Variants in PTPN13 observed in about 807,000 individuals in gnomAD.
The protein encoded by PTPN13 is tyrosine-protein phosphatase non-receptor type 13.
In PTPN13, 191 loss-of-function variants were observed where a neutral mutation model predicts 284.0. The observed-to-expected ratio is 0.67, with a 90% CI of 0.60 to 0.76. PTPN13 has a LOEUF of 0.76. PTPN13 is among the 30% of genes least tolerant of loss of function. The pLI, the probability that PTPN13 is intolerant of heterozygous loss-of-function variation, is 0.00. For missense variants in PTPN13, 2,797 were observed against 2,939.9 expected (o/e 0.95, Z 1.12); for synonymous variants, 986 against 1,022.3 (o/e 0.96, Z 0.68).
At chr4:86,801,762 T>C (rs1035225336) in intron 42 of PTPN13, among the ~76,000 whole-genome samples, 1 of 152,194 alleles carries the variant, frequency 6.6e-6, no homozygotes, top group African/African-American at 2.4e-5. Flanking sequence ...TTTTAAATGC[T>C]TATGTAGAAA....
intron 1 of PTPN13, among the ~76,000 whole-genome samples, chr4:86,603,954 A>G (rs1478453178): frequency 6.6e-6 from 1 of 152,056 alleles, no homozygotes; most frequent in Non-Finnish European, 1.5e-5. Context: ...AATTTATATA[A>G]TTAAAAAATC....
chr4:86,644,578 A>G (rs1039271953), intron 2 of PTPN13, among the ~76,000 whole-genome samples: 1 of 152,222 alleles, frequency 6.6e-6, no homozygotes, highest in Non-Finnish European at 1.5e-5. Context: ...ATTGAAGAGA[A>G]GGATGTACTT....
At position 86,701,487 on chromosome 4, in the gene PTPN13, C is replaced by A. The variant is rs1202836117; in HGVS notation, c.881C>A (p.Ser294Tyr). 6.2e-7 allele frequency: 1 copy of A among 1,613,938 alleles called. No individual in the cohort carries two copies. The highest frequency in any genetic ancestry group is 2.2e-5 in the East Asian group (1 of 44,888). Residue 294 changes from serine (S) to tyrosine (Y), a missense_variant, in exon 7 of 48, where the codon TCT (serine) becomes TAT (tyrosine). By Grantham distance (144) the Ser-to-Tyr change is moderately radical (BLOSUM62 -2). Transcript: ENST00000411767. ...KKPIPGIDVL[S>Y]KKKIWASSMD... ...CCCATCCCTGGCATTGATGTGCTTT[C>A]TAAGAAGAAGATCTGGGCTTCATCC...
intron 15 of PTPN13, among the ~76,000 whole-genome samples, chr4:86,737,291 A>G (rs1439824282): frequency 1.3e-5 from 2 of 151,772 alleles, no homozygotes; most frequent in African/African-American, 4.8e-5. Flanking sequence ...AAAAATTAGT[A>G]TAATAAAATA....
rs1203977905 is a variant in PTPN13, at chr4:86,672,426, G to A, written c.177G>A (p.Leu59=). 2 of 1,564,026 alleles carry A rather than the reference G, an allele frequency of 1.3e-6. No individual in the cohort carries two copies. The highest frequency in any genetic ancestry group is 1.7e-6 in the Non-Finnish European group (2 of 1,153,238). Reference sequence around the variant, plus strand: ...TTTCTCCATGGTCTCTGCTGTTGCTGCCATCTGGTAGTGTGTCATTTACAG... The same window carrying A: ...TTTCTCCATGGTCTCTGCTGTTGCTACCATCTGGTAGTGTGTCATTTACAG... ...FIISPWSLLL[L]PSGSVSFTDE... Residue 59 remains leucine (L), a synonymous_variant, in exon 3 of 48, where the codon CTG becomes CTA. Transcript: ENST00000411767.
chr4:86,669,402 T>A (rs1462563790), intron 2 of PTPN13, among the ~76,000 whole-genome samples: 2 of 151,154 alleles, frequency 1.3e-5, no homozygotes, highest in East Asian at 3.9e-4. Flanking sequence ...GTTTCATCAT[T>A]ACACATTGTA....
intron 3 of PTPN13, among the ~76,000 whole-genome samples, chr4:86,673,248 G>C (rs1012338823): frequency 6.6e-6 from 1 of 152,176 alleles, no homozygotes; most frequent in African/African-American, 2.4e-5. Context: ...ATGCTATGGA[G>C]AGTGATAGTA....
At chr4:86,603,867 G>A (rs1488307176) in intron 1 of PTPN13, among the ~76,000 whole-genome samples, 1 of 151,994 alleles carries the variant, frequency 6.6e-6, no homozygotes, top group African/African-American at 2.4e-5. Context: ...AGGGAGACTA[G>A]TTCATGGCCA....
At chr4:86,667,316 A>G (rs1016447862) in intron 2 of PTPN13, among the ~76,000 whole-genome samples, 5 of 152,200 alleles carry the variant, frequency 3.3e-5, no homozygotes, top group Non-Finnish European at 7.3e-5. Flanking sequence ...ATCAATTTAC[A>G]TTATTGTAGA....
At chr4:86,724,393 G>C (rs1734002589) in intron 10 of PTPN13, among the ~76,000 whole-genome samples, 1 of 152,176 alleles carries the variant, frequency 6.6e-6, no homozygotes, top group East Asian at 1.9e-4. Context: ...CAGTTTTAGA[G>C]AGCTAAGCTA....
At position 86,629,350 on chromosome 4, in the gene PTPN13, C is replaced by G. The variant is rs981125127; in HGVS notation, c.-5-5902C>G. 5.4e-5 allele frequency among the ~76,000 whole-genome samples: 8 copies of G among 148,208 alleles called. No homozygotes were observed. The South Asian group carries it at 1.8e-3, about 33-fold the overall frequency. ...CAGCCAAAAAACACATGAAGAAATG[C>G]TCATCATCACTGGCCATCAGAGAAA... On this transcript the variant is annotated intron_variant, in intron 1 of 47. Transcript: ENST00000411767.
chr4:86,597,350 A>T (rs1314584691), intron 1 of PTPN13, among the ~76,000 whole-genome samples: 1 of 152,066 alleles, frequency 6.6e-6, no homozygotes, highest in Non-Finnish European at 1.5e-5. Flanking sequence ...CAATCCTCCT[A>T]ACTCAGCCCC....
rs780636946 is a variant in PTPN13, at chr4:86,775,256, T to C, written c.5594T>C (p.Ile1865Thr). 9.9e-6 allele frequency: 16 copies of C among 1,613,564 alleles called. No homozygotes were observed. In the African/African-American group the frequency reaches 1.3e-4, roughly 13 times the overall value. ...RAASKTVRLV[I>T]GRVLELPRIP... ...GCATCCAAAACAGTCAGATTAGTTA[T>C]TGGACGAGTTCTAGAATTACCCAGA... The change falls in exon 34 of 48, where the codon ATT (isoleucine) becomes ACT (threonine). Residue 1865 changes from isoleucine to threonine, a missense_variant. Ile to Thr is a moderately conservative substitution (Grantham distance 89). Transcript: ENST00000411767.
chr4:86,699,771 G>A (rs1193829533), intron 6 of PTPN13, among the ~76,000 whole-genome samples: 1 of 151,996 alleles, frequency 6.6e-6, no homozygotes, highest in East Asian at 1.9e-4. Context: ...TAAATCTATT[G>A]TGTTCTATCA....
rs1317217856 is a variant in PTPN13, at chr4:86,642,446, CTTCTTTTTTTTTT to C, written c.115+7078_115+7090del. ...CTTTTCTTTTCTTCTTCTTCTTCTTCTTCTTTTTTTTTTTTTTTTTTTTTGAGATGGAGTCTCA... is the reference window on the plus strand; with the variant it reads ...CTTTTCTTTTCTTCTTCTTCTTCTTCTTTTTTTTTTTGAGATGGAGTCTCA... On this transcript the variant is annotated intron_variant, in intron 2 of 47. Transcript: ENST00000411767. 1.6e-4 allele frequency among the ~76,000 whole-genome samples: 10 copies of C among 63,568 alleles called. No individual in the cohort carries two copies. The East Asian group carries it at 2.9e-3, about 18-fold the overall frequency. 41.7% of individuals were successfully genotyped at this position (63,568 alleles called of 152,430 possible).
intron 1 of PTPN13, among the ~76,000 whole-genome samples, chr4:86,595,271 G>A (rs957815376): frequency 6.6e-6 from 1 of 151,980 alleles, no homozygotes; most frequent in Non-Finnish European, 1.5e-5. Context: ...AAGGGGGTGG[G>A]ATGGCGGGGA....
At chr4:86,639,360 A>G (rs1304105754) in intron 2 of PTPN13, among the ~76,000 whole-genome samples, 2 of 152,204 alleles carry the variant, frequency 1.3e-5, no homozygotes, top group South Asian at 2.1e-4. Context: ...TCATGCTGCT[A>G]TAAAGACACA....
At chr4:86,754,733 T>C (rs1279832962) in intron 20 of PTPN13, among the ~76,000 whole-genome samples, 1 of 152,104 alleles carries the variant, frequency 6.6e-6, no homozygotes, top group Non-Finnish European at 1.5e-5. Context: ...AAATGTGTTT[T>C]AGCTTAGATT....
chr4:86,756,638 G>A (rs537202810), intron 20 of PTPN13, among the ~76,000 whole-genome samples: 2 of 152,204 alleles, frequency 1.3e-5, no homozygotes, highest in East Asian at 3.9e-4. Context: ...ATTCACTCCT[G>A]AGAGGAAATT....
Sources: gnomAD v4.1 joint callset for allele counts (sites outside exome capture counted in the v4.1 genomes callset) on GRCh38, gnomAD v4.1.1 for gene constraint, MANE v1.5 for transcripts, NCBI Gene and HGNC (gene_info 2026-07-23, HGNC 2026-07-21) for gene names.